The following C5orf52 variants were observed in gnomAD, a reference collection of about 807,000 sequenced individuals.
The protein encoded by C5orf52 is uncharacterized protein C5orf52.
C5orf52 carries 15 observed loss-of-function variants against 16.8 expected under a neutral mutation model. The ratio of observed to expected loss-of-function variants is 0.89; its 90% CI spans 0.60 to 1.38. C5orf52 has a LOEUF of 1.38. Among genes scored for constraint, C5orf52 ranks in the 40% most tolerant of loss-of-function variants. The pLI is 0.00. For synonymous variants in C5orf52, 83 were observed against 87.2 expected, an observed-to-expected ratio of 0.95 and a Z score of 0.27; for missense variants, 206 against 213.1, an observed-to-expected ratio of 0.97 and a Z score of 0.21.
intron 2 of C5orf52, among the ~76,000 whole-genome samples, chr5:157,677,059 G>A (rs979238293): frequency 7.2e-5 from 11 of 152,056 alleles, no homozygotes; most frequent in South Asian, 2.1e-4. Flanking sequence ...TAATAGAAAC[G>A]GGGTTTCACC....
At chr5:157,675,777 C>T (rs867594086) in intron 2 of C5orf52, among the ~76,000 whole-genome samples, 27 of 152,192 alleles carry the variant, frequency 1.8e-4, no homozygotes, top group Middle Eastern at 3.2e-3. Context: ...GGCCTCAACA[C>T]CATCTTGTCA....
rs571086151 is a variant in C5orf52 at position 157,680,152 on chromosome 5, T to C, written c.*153T>C. 2.0e-4 allele frequency: 141 copies of C among 708,332 alleles called. No homozygotes were observed. Among genetic ancestry groups the C allele is most frequent in the South Asian group, 1.4e-3 (67 of 47,548 alleles). 43.9% of individuals were successfully genotyped at this position (708,332 alleles called of 1,614,324 possible). A position where few individuals can be genotyped will look rare whatever the true frequency, so the allele number is the denominator to read the frequency against. On this transcript the variant is annotated 3_prime_UTR_variant, in exon 3 of 3. Coordinates refer to ENST00000409999, the MANE Select transcript of C5orf52 (RefSeq NM_001145132.2). ...ACAGAAACCAGCAGACAGCGGAGCA[T>C]AATAAATCCTCAGCAATCCTCATAT...
chr5:157,678,883 T>C (rs1043257100), intron 2 of C5orf52, among the ~76,000 whole-genome samples: 2 of 152,014 alleles, frequency 1.3e-5, no homozygotes, highest in Non-Finnish European at 2.9e-5. Flanking sequence ...GCCTGTAATC[T>C]CAGCACTTTG....
upstream of C5orf52, chr5:157,671,436 G>A (rs2113863476): frequency 5.0e-6 from 3 of 604,650 alleles, no homozygotes; most frequent in East Asian, 8.8e-5. Context: ...GCCGGACTCT[G>A]CACGCATGTC....
intron 2 of C5orf52, among the ~76,000 whole-genome samples, chr5:157,676,365 G>A (rs11134891): frequency 0.17 from 25,870 of 152,096 alleles, 2,494 homozygotes; most frequent in African/African-American, 0.27. Context: ...GAGCCACCAC[G>A]CACAGCTGCT....
At chr5:157,678,510 G>C (rs755223319) in intron 2 of C5orf52, among the ~76,000 whole-genome samples, 1 of 152,200 alleles carries the variant, frequency 6.6e-6, no homozygotes, top group Non-Finnish European at 1.5e-5. Context: ...AGGCTGAAGT[G>C]CAGTGGCATA....
Position 157,680,004 on chromosome 5 carries a change from C to T in C5orf52, c.*5C>T, listed in dbSNP as rs374546474. On this transcript the variant is annotated 3_prime_UTR_variant, in exon 3 of 3. Transcript: ENST00000409999. ...GGGATACCACCACCAGTTTAAACTC[C>T]AGTCTCCCAAGAAAGGCCAACCACC... is the stretch of plus-strand genomic sequence containing the variant. The T allele has an allele frequency of 2.3e-5, 36 of 1,550,460 alleles. No individual in the cohort carries two copies. In the African/African-American group the frequency reaches 4.8e-4, roughly 21 times the overall value.
chr5:157,679,940 A>G lies in C5orf52; in HGVS notation c.421A>G (p.Arg141Gly), dbSNP rs755961594. 2 of 1,551,754 alleles carry G rather than the reference A, an allele frequency of 1.3e-6. No individual in the cohort carries two copies. Among genetic ancestry groups the G allele is most frequent in the African/African-American group, 1.4e-5 (1 of 73,174 alleles). Residue 141 changes from arginine to glycine, a missense_variant, in exon 3 of 3, where the codon AGA becomes GGA. Arg to Gly is a moderately radical substitution (Grantham distance 125, BLOSUM62 -2). Coordinates refer to ENST00000409999, the MANE Select transcript of C5orf52 (RefSeq NM_001145132.2). The stretch of plus-strand genomic sequence containing the variant: ...GCAGCTCAGAAAGCTCGGGCGATGG[A>G]GAGAGGAATCCGTGAACAGCAACCG... ...TEQLRKLGRW[R>G]EESVNSNRYL...
At chr5:157,674,475 T>A (rs1759858917) in intron 1 of C5orf52, among the ~76,000 whole-genome samples, 1 of 152,190 alleles carries the variant, frequency 6.6e-6, no homozygotes, top group Non-Finnish European at 1.5e-5. Flanking sequence ...TCAAGATGAC[T>A]GCTTTTGGCT....
chr5:157,679,544 C>G (rs1759968670), intron 2 of C5orf52, among the ~76,000 whole-genome samples: 1 of 152,132 alleles, frequency 6.6e-6, no homozygotes, highest in Non-Finnish European at 1.5e-5. Context: ...ACCTTGTTGG[C>G]CAGGCTGCTC....
chr5:157,673,885 A>T (rs1759845486), intron 1 of C5orf52, among the ~76,000 whole-genome samples: 1 of 152,118 alleles, frequency 6.6e-6, no homozygotes. Context: ...CTTCCAAGTG[A>T]TTCGCCTGCT....
chr5:157,673,755 C>T (rs1405095804), intron 1 of C5orf52, among the ~76,000 whole-genome samples: 1 of 152,080 alleles, frequency 6.6e-6, no homozygotes, highest in Non-Finnish European at 1.5e-5. Context: ...TGTGATTCTC[C>T]TGCCCCAGCC....
At chr5:157,673,159 G>A (rs1168408329) in intron 1 of C5orf52, among the ~76,000 whole-genome samples, 1 of 151,788 alleles carries the variant, frequency 6.6e-6, no homozygotes, top group African/African-American at 2.4e-5. Context: ...TCAACATGGC[G>A]AAACCCTGTC....
intron 1 of C5orf52, among the ~76,000 whole-genome samples, chr5:157,672,714 A>C (rs919127770): frequency 2.0e-5 from 3 of 152,024 alleles, no homozygotes; most frequent in African/African-American, 7.2e-5. Flanking sequence ...AAATCTAAAA[A>C]CATACACGAC....
chr5:157,679,229 C>A (rs1180017710), intron 2 of C5orf52, among the ~76,000 whole-genome samples: 1 of 152,126 alleles, frequency 6.6e-6, no homozygotes, highest in Non-Finnish European at 1.5e-5. Flanking sequence ...TTCTTAGTAT[C>A]CTCTCCTGTA....
chr5:157,677,406 C>T lies in C5orf52; in HGVS notation c.321+2206C>T, dbSNP rs187965715. On this transcript the variant is annotated intron_variant, in intron 2 of 2. Coordinates refer to ENST00000409999, the MANE Select transcript of C5orf52 (RefSeq NM_001145132.2). ...GGTGGTAAGCCAGGGTGGTGGCTCA[C>T]GCACTTTGGAAGGCCGAGGCGGGCG... 1.3e-4 allele frequency among the ~76,000 whole-genome samples: 20 copies of T among 152,114 alleles called. No homozygotes were observed. In the East Asian group the frequency reaches 1.6e-3, roughly 12 times the overall value.
upstream of C5orf52, among the ~76,000 whole-genome samples, chr5:157,671,097 T>G (rs1423464873): frequency 6.6e-6 from 1 of 152,068 alleles, no homozygotes; most frequent in Non-Finnish European, 1.5e-5. Context: ...TAGCCAAGGG[T>G]CTTCCGGAAA....
Position 157,679,934 on chromosome 5 carries a change from C to A in C5orf52, c.415C>A (p.Arg139=). 1.3e-6 allele frequency: 2 copies of A among 1,551,680 alleles called. No homozygotes were observed. Among genetic ancestry groups the A allele is most frequent in the Admixed American group, 2.0e-5 (1 of 50,994 alleles). The part of the protein sequence containing the change: ...FMTEQLRKLG[R]WREESVNSNR... Reference sequence around the variant, plus strand: ...GACAGAGCAGCTCAGAAAGCTCGGGCGATGGAGAGAGGAATCCGTGAACAG... The same window carrying A: ...GACAGAGCAGCTCAGAAAGCTCGGGAGATGGAGAGAGGAATCCGTGAACAG... Residue 139 remains arginine, a synonymous_variant, in exon 3 of 3, where the codon CGA becomes AGA. Coordinates refer to ENST00000409999, the MANE Select transcript of C5orf52 (RefSeq NM_001145132.2).
In C5orf52 at chr5:157,671,835, C is replaced by A; in HGVS notation, c.212+9C>A. On this transcript the variant is annotated intron_variant, in intron 1 of 2. Coordinates refer to ENST00000409999, the MANE Select transcript of C5orf52 (RefSeq NM_001145132.2). ...CAGCCGGTGCTGTTCAGGTGTGGCC[C>A]GCATGCCCAGAGCGTTCGTCAGACC... is the stretch of plus-strand genomic sequence containing the variant. 6.7e-7 allele frequency: 1 copy of A among 1,495,520 alleles called. No individual in the cohort carries two copies. 92.6% of individuals were successfully genotyped at this position (1,495,520 alleles called of 1,614,324 possible).
Sources: gnomAD v4.1 joint callset for allele counts (sites outside exome capture counted in the v4.1 genomes callset) on GRCh38, gnomAD v4.1.1 for gene constraint, MANE v1.5 for transcripts, NCBI Gene and HGNC (gene_info 2026-07-23, HGNC 2026-07-21) for gene names.